ZNF670: variants seen among roughly 807,000 people sequenced by gnomAD.
ZNF670 encodes zinc finger protein 670.
Under a neutral mutation model 10.9 loss-of-function variants are expected in ZNF670, and 7 were observed. The ratio of observed to expected loss-of-function variants is 0.64; its 90% CI spans 0.36 to 1.20. ZNF670 has a LOEUF of 1.20. Ranked by LOEUF, ZNF670 falls within the 50% of genes most tolerant of loss-of-function variation. The pLI, the probability that ZNF670 is intolerant of heterozygous loss-of-function variation, is 0.02. For synonymous variants in ZNF670, 136 were observed against 152.7 expected, an observed-to-expected ratio of 0.89 and a Z score of 0.81; for missense variants, 446 against 458.6, an observed-to-expected ratio of 0.97 and a Z score of 0.25.
intron 1 of ZNF670, 109 bp downstream of exon 1, chr1:247,078,485 G>A (rs1398850373): frequency 1.1e-5 from 15 of 1,427,876 alleles, no homozygotes; most frequent in Non-Finnish European, 1.3e-5. Flanking sequence ...AAGGCCGCGA[G>A]GCGCCGGCGG....
At chr1:247,064,928 C>G (rs892042362) in intron 1 of ZNF670, among the ~76,000 whole-genome samples, 1 of 144,396 alleles carries the variant, frequency 6.9e-6, no homozygotes, top group African/African-American at 2.9e-5. Flanking sequence ...CCTCCCTCAG[C>G]CTCTCAAGTA....
chr1:247,074,107 CATT>C (rs907402952), intron 1 of ZNF670, among the ~76,000 whole-genome samples: 2 of 152,210 alleles, frequency 1.3e-5, no homozygotes, highest in African/African-American at 4.8e-5. Flanking sequence ...AACACCTTCT[CATT>C]ATGACTTAGA....
chr1:247,045,808 C>T (rs551444572), intron 1 of ZNF670, among the ~76,000 whole-genome samples: 3 of 152,186 alleles, frequency 2.0e-5, no homozygotes, highest in Admixed American at 2.0e-4. Flanking sequence ...AAAATTAGAA[C>T]TTTTTAGAGA....
At chr1:247,052,723 GGCCAGCA>G (rs1670627740) in intron 1 of ZNF670, among the ~76,000 whole-genome samples, 1 of 152,158 alleles carries the variant, frequency 6.6e-6, no homozygotes, top group South Asian at 2.1e-4. Flanking sequence ...TGCGTTGGTT[GGCCAGCA>G]GCCAGGAGGT....
chr1:247,052,275 C>T (rs1426676771), intron 1 of ZNF670, among the ~76,000 whole-genome samples: 1 of 152,172 alleles, frequency 6.6e-6, no homozygotes, highest in Non-Finnish European at 1.5e-5. Context: ...TTCTGTCTCA[C>T]AGGGTGATGC....
intron 1 of ZNF670, among the ~76,000 whole-genome samples, chr1:247,078,108 G>A (rs1671294645): frequency 6.6e-6 from 1 of 152,146 alleles, no homozygotes; most frequent in African/African-American, 2.4e-5. Flanking sequence ...TGCTTCCTCG[G>A]GTTCCTTACA....
At chr1:247,068,135 T>C (rs147023176) in intron 1 of ZNF670, among the ~76,000 whole-genome samples, 7 of 149,962 alleles carry the variant, frequency 4.7e-5, no homozygotes, top group Non-Finnish European at 1.0e-4. Context: ...CTGGCCAACA[T>C]GGTGAAACCC....
intron 1 of ZNF670, among the ~76,000 whole-genome samples, chr1:247,057,497 A>G (rs1670748272): frequency 6.6e-6 from 1 of 152,198 alleles, no homozygotes; most frequent in Non-Finnish European, 1.5e-5. Context: ...GTATATATCC[A>G]AAGAACAGGA....
At chr1:247,051,417 T>C (rs1020464230) in intron 1 of ZNF670, among the ~76,000 whole-genome samples, 3 of 152,218 alleles carry the variant, frequency 2.0e-5, no homozygotes, top group African/African-American at 7.2e-5. Flanking sequence ...GACAATTATT[T>C]TGTTGAAGGA....
At chr1:247,067,625 G>A (rs1242552999) in intron 1 of ZNF670, among the ~76,000 whole-genome samples, 1 of 145,902 alleles carries the variant, frequency 6.9e-6, no homozygotes, top group Non-Finnish European at 1.5e-5. Flanking sequence ...GGCGGATCAC[G>A]AGGTCAGGAG....
At chr1:247,072,041 T>C (rs1671129323) in intron 1 of ZNF670, among the ~76,000 whole-genome samples, 1 of 151,992 alleles carries the variant, frequency 6.6e-6, no homozygotes, top group African/African-American at 2.4e-5. Context: ...GTATTTTTAG[T>C]AGAGACGGGG....
At chr1:247,072,014 C>T (rs12142274) in intron 1 of ZNF670, among the ~76,000 whole-genome samples, 22,361 of 151,510 alleles carry the variant, frequency 0.15, 1,809 homozygotes, top group South Asian at 0.25. Context: ...CCCGCCACCA[C>T]GCCTGGCTAA....
chr1:247,037,395 G>A lies in ZNF670; in HGVS notation c.*54C>T. ...GTGTTCTAATGAAACTAGAATAACT[G>A]AAAGCTTTAACACACTTCTTACATT... On this transcript the variant is annotated 3_prime_UTR_variant, in exon 4 of 4. Transcript: ENST00000366503. 6.6e-7 allele frequency: 1 copy of A among 1,511,344 alleles called. No homozygotes were observed. The highest frequency in any genetic ancestry group is 1.4e-5 in the South Asian group (1 of 72,030). The allele number at this position is 1,511,344 out of a possible 1,614,324, so 93.6% of individuals were successfully genotyped here.
At chr1:247,043,510 TA>T (rs1389604119) in intron 1 of ZNF670, 2 of 654,834 alleles carry the variant, frequency 3.1e-6, no homozygotes, top group Non-Finnish European at 5.5e-6. Flanking sequence ...AAAGCTGGGA[TA>T]AGATTTTAGC....
intron 2 of ZNF670, among the ~76,000 whole-genome samples, chr1:247,039,111 T>G (rs1449532402): frequency 2.7e-5 from 4 of 146,380 alleles, no homozygotes; most frequent in Non-Finnish European, 4.5e-5. Context: ...CAGGCTGGAG[T>G]GCAGTGGCTC....
Position 247,039,492 on chromosome 1 carries a change from C to T in ZNF670, c.49G>A (p.Glu17Lys). The change falls in exon 2 of 4, where the codon GAG (glutamate) becomes AAG (lysine). Residue 17 changes from glutamate to lysine, a missense_variant. Glu to Lys is a moderately conservative substitution (Grantham distance 56). Transcript: ENST00000366503. ...TGAGAAGGATCCAGCAAAGCCCACT[C>T]CTCCTGAGTAAAGGCCACAGCCACA... is the stretch of plus-strand genomic sequence containing the variant. The part of the protein sequence containing the change: ...EDVAVAFTQE[E>K]WALLDPSQKN... 1 of 1,605,566 alleles carries T rather than the reference C, an allele frequency of 6.2e-7. No homozygotes were observed. The highest frequency in any genetic ancestry group is 8.5e-7 in the Non-Finnish European group (1 of 1,176,612).
rs184063349 is a variant in ZNF670, at chr1:247,054,633, G to A, written c.4-15096C>T. 2.0e-5 allele frequency among the ~76,000 whole-genome samples: 3 copies of A among 152,274 alleles called. No individual in the cohort carries two copies. The East Asian group carries it at 5.8e-4, about 29-fold the overall frequency. Reference sequence around the variant, plus strand: ...TACTAGCTAATTTAAGATACAGTGGGCCCTGAATAACCACAATTGATATAC... The same window carrying A: ...TACTAGCTAATTTAAGATACAGTGGACCCTGAATAACCACAATTGATATAC... On this transcript the variant is annotated intron_variant, in intron 1 of 3. Coordinates refer to ENST00000366503, the MANE Select transcript of ZNF670 (RefSeq NM_033213.5).
Position 247,036,151 on chromosome 1 carries a change from C to T in ZNF670, c.*1298G>A, listed in dbSNP as rs550816498. Among the ~76,000 whole-genome samples, 5 of 152,240 alleles carry T rather than the reference C, an allele frequency of 3.3e-5. No individual in the cohort carries two copies. Among genetic ancestry groups the T allele is most frequent in the Admixed American group, 6.5e-5 (1 of 15,292 alleles). On this transcript the variant is annotated 3_prime_UTR_variant, in exon 4 of 4. Transcript: ENST00000366503. ...CAGTAGAATGCCAAAAACCACAAATCATCTCAATAGATGCAGAAAAAAACA... is the reference window on the plus strand; with the variant it reads ...CAGTAGAATGCCAAAAACCACAAATTATCTCAATAGATGCAGAAAAAAACA...
chr1:247,073,133 T>A (rs1305401595), intron 1 of ZNF670, among the ~76,000 whole-genome samples: 1 of 152,104 alleles, frequency 6.6e-6, no homozygotes, highest in East Asian at 1.9e-4. Context: ...CATTTAAACT[T>A]AGCATAAAAC....
Sources: allele counts gnomAD v4.1 joint callset (sites outside exome capture counted in the v4.1 genomes callset), GRCh38; gene constraint gnomAD v4.1.1; transcripts MANE v1.5; gene names NCBI Gene and HGNC (gene_info 2026-07-23, HGNC 2026-07-21).